MMP7: variants seen among roughly 807,000 people sequenced by gnomAD.
MMP7 encodes the protein matrix metallopeptidase 7.
In MMP7, 26 loss-of-function variants were observed where a neutral mutation model predicts 31.5. That is an observed-to-expected ratio of 0.83 (90% CI 0.61 to 1.15). The LOEUF (loss-of-function observed/expected upper bound fraction) is 1.15. Ranked by LOEUF, MMP7 falls within the 50% of genes most tolerant of loss-of-function variation. The pLI, the probability that MMP7 is intolerant of heterozygous loss-of-function variation, is 0.00. For missense variants in MMP7, 367 were observed against 326.5 expected (o/e 1.12, Z -0.96); for synonymous variants, 142 against 124.2 (o/e 1.14, Z -0.95).
At chr11:102,523,111 C>T (rs981334272) in intron 5 of MMP7, 129 bp downstream of exon 5, 1 of 625,494 alleles carries the variant, frequency 1.6e-6, no homozygotes, top group Non-Finnish European at 2.6e-6. Flanking sequence ...AATTCCTCCC[C>T]TCAATAGGCT....
In MMP7 at chr11:102,520,718, T is replaced by G. The variant is rs769385191; in HGVS notation, c.*58A>C. 8.0e-6 allele frequency: 11 copies of G among 1,376,538 alleles called. No individual in the cohort carries two copies. Among genetic ancestry groups the G allele is most frequent in the South Asian group, 1.2e-5 (1 of 80,708 alleles). 85.3% of individuals were successfully genotyped at this position (1,376,538 alleles called of 1,614,324 possible). A position where few individuals can be genotyped will look rare whatever the true frequency, so the allele number is the denominator to read the frequency against. On this transcript the variant is annotated 3_prime_UTR_variant, in exon 6 of 6. Transcript: ENST00000260227. ...AGGAACAGTGCTTATCAATTCTGAT[T>G]GTGCAACAATGATATACAATCCAAT...
chr11:102,520,553 A>G lies in MMP7; in HGVS notation c.*223T>C. On this transcript the variant is annotated 3_prime_UTR_variant, in exon 6 of 6. Transcript: ENST00000260227. ...CATTTTATTTATTTGTGTATGTAAC[A>G]TTTATTGACATCTACCCACTGCAAG... The G allele has an allele frequency of 2.3e-6, 1 of 436,194 alleles. No individual in the cohort carries two copies. The allele number at this position is 436,194 out of a possible 1,614,324, so 27.0% of individuals were successfully genotyped here. A position where few individuals can be genotyped will look rare whatever the true frequency, so the allele number is the denominator to read the frequency against.
rs745564498 is a variant in MMP7 at position 102,527,823 on chromosome 11, G to A, written c.269C>T (p.Pro90Leu). 8 of 1,614,108 alleles carry A rather than the reference G, an allele frequency of 5.0e-6. No individual in the cohort carries two copies. The South Asian group carries it at 8.8e-5, about 18-fold the overall frequency. ...EIMQKPRCGV[P>L]DVAEYSLFPN... ...AAATAGTGAGTATTCTGCAACATCT[G>A]GCACTCCACATCTGGGCTTCTGCAT... is the stretch of plus-strand genomic sequence containing the variant. Residue 90 changes from proline to leucine, a missense_variant, in exon 2 of 6, where the codon CCA (proline) becomes CTA (leucine). By Grantham distance (98) the Pro-to-Leu change is moderately conservative. Transcript: ENST00000260227.
intron 5 of MMP7, among the ~76,000 whole-genome samples, chr11:102,521,317 C>T (rs1022511684): frequency 9.9e-5 from 15 of 152,132 alleles, no homozygotes; most frequent in African/African-American, 3.4e-4. Context: ...CATGCTTCAG[C>T]CTCCTGAGTT....
At position 102,530,629 on chromosome 11, in the gene MMP7, C is replaced by T. The variant is rs767207306; in HGVS notation, c.72G>A (p.Ala24=). Residue 24 remains alanine, a synonymous_variant, in exon 1 of 6, where the codon GCG becomes GCA. Coordinates refer to ENST00000260227, the MANE Select transcript of MMP7 (RefSeq NM_002423.5). ...GSLALPLPQE[A]GGMSELQWEQ... is the part of the protein sequence containing the mutation. ...CCCACTGTAGCTCACTCATGCCTCC[C>T]GCCTCCTGAGGCAGCGGCAGGGCCA... The T allele has an allele frequency of 9.3e-6, 15 of 1,613,876 alleles. No individual in the cohort carries two copies. The highest frequency in any genetic ancestry group is 4.0e-5 in the African/African-American group (3 of 74,928).
rs7933135 is a variant in MMP7, at chr11:102,523,207, G to A, written c.775+33C>T. 1,193 of 1,531,746 alleles carry A rather than the reference G, an allele frequency of 7.8e-4. 12 individuals are homozygous for A. The African/African-American group carries it at 0.015, about 19-fold the overall frequency. 94.9% of individuals were successfully genotyped at this position (1,531,746 alleles called of 1,614,324 possible). ...CCTACCCCACTCTAAAAAGAAAATG[G>A]GAAATCCTCTTATTTGAAATAATAA... On this transcript the variant is annotated intron_variant, in intron 5 of 5. Transcript: ENST00000260227.
Position 102,525,047 on chromosome 11 carries a change from G to A in MMP7, c.502C>T (p.Pro168Ser). 2 of 1,608,864 alleles carry A rather than the reference G, an allele frequency of 1.2e-6. No individual in the cohort carries two copies. The highest frequency in any genetic ancestry group is 1.7e-6 in the Non-Finnish European group (2 of 1,178,398). ...FARGAHGDSY[P>S]FDGPGNTLAH... ...AGCGTGTTTCCTGGCCCATCAAATG[G>A]GTAGGAGTCCCCATGAGCTGAAAGA... Residue 168 changes from proline (P) to serine (S), a missense_variant, in exon 4 of 6, where the codon CCA (proline) becomes TCA (serine). Physicochemically the swap from Pro to Ser is moderately conservative, Grantham distance 74. Transcript: ENST00000260227.
intron 3 of MMP7, among the ~76,000 whole-genome samples, chr11:102,526,736 C>A (rs1858676884): frequency 6.6e-6 from 1 of 152,108 alleles, no homozygotes; most frequent in African/African-American, 2.4e-5. Flanking sequence ...ACATAATGAT[C>A]TTTCAGTAAA....
In MMP7 at chr11:102,527,934, T is replaced by C. The variant is rs1460832120; in HGVS notation, c.158A>G (p.Asn53Ser). Reference sequence around the variant, plus strand: ...CTCCTTGAGTTTGGCTTCTAAACTGTTGGCATTTTTTGTTTCTGAGTCATA... The same window carrying C: ...CTCCTTGAGTTTGGCTTCTAAACTGCTGGCATTTTTTGTTTCTGAGTCATA... Reference protein sequence around the residue: ...YLYDSETKNANSLEAKLKEMQ... With the variant: ...YLYDSETKNASSLEAKLKEMQ... The change falls in exon 2 of 6, where the codon AAC (asparagine) becomes AGC (serine). Residue 53 changes from asparagine to serine, a missense_variant. Physicochemically the swap from Asn to Ser is conservative, Grantham distance 46 (BLOSUM62 1). Transcript: ENST00000260227. 1.9e-6 allele frequency: 3 copies of C among 1,613,990 alleles called. No individual in the cohort carries two copies. The highest frequency in any genetic ancestry group is 1.6e-4 in the Middle Eastern group (1 of 6,082).
intron 4 of MMP7, 77 bp from the exon 5 acceptor site, chr11:102,523,478 T>C (rs1858636462): frequency 2.6e-6 from 3 of 1,176,304 alleles, no homozygotes; most frequent in Non-Finnish European, 2.2e-6. Flanking sequence ...TATGATATCA[T>C]AATTTAAAAA....
At chr11:102,526,487 T>C (rs1038123014) in intron 3 of MMP7, among the ~76,000 whole-genome samples, 2 of 152,144 alleles carry the variant, frequency 1.3e-5, no homozygotes, top group African/African-American at 2.4e-5. Flanking sequence ...TCCACCTGCC[T>C]TGGCCTCCCG....
intron 1 of MMP7, among the ~76,000 whole-genome samples, chr11:102,529,559 A>T (rs907125098): frequency 6.6e-6 from 1 of 152,224 alleles, no homozygotes; most frequent in Admixed American, 6.5e-5. Flanking sequence ...TAAAAGTTAA[A>T]TACTAGTAAC....
chr11:102,520,745 A>G lies in MMP7; in HGVS notation c.*31T>C. The G allele has an allele frequency of 6.5e-7, 1 of 1,528,924 alleles. No homozygotes were observed. Among genetic ancestry groups the G allele is most frequent in the East Asian group, 2.3e-5 (1 of 44,428 alleles). The allele number at this position is 1,528,924 out of a possible 1,614,324, so 94.7% of individuals were successfully genotyped here. ...TGCAACAATGATATACAATCCAATG[A>G]ATGAATGAATGGATGTTCTGCCTGA... On this transcript the variant is annotated 3_prime_UTR_variant, in exon 6 of 6. Transcript: ENST00000260227.
chr11:102,525,596 T>C (rs1163244763), intron 3 of MMP7, among the ~76,000 whole-genome samples: 1 of 152,068 alleles, frequency 6.6e-6, no homozygotes, highest in Non-Finnish European at 1.5e-5. Flanking sequence ...ATAATCACCA[T>C]ATATTGAAAG....
chr11:102,527,582 C>A lies in MMP7; in HGVS notation c.426G>T (p.Leu142=). ...TTCCCCATACAACTTTCCTGAAATG[C>A]AGGGGGATCTCTTTGCCCCACATGT... ...ALNMWGKEIP[L]HFRKVVWGTA... Residue 142 remains leucine, a synonymous_variant, in exon 3 of 6, where the codon CTG becomes CTT. Transcript: ENST00000260227. 1 of 1,614,136 alleles carries A rather than the reference C, an allele frequency of 6.2e-7. No individual in the cohort carries two copies. Among genetic ancestry groups the A allele is most frequent in the Non-Finnish European group, 8.5e-7 (1 of 1,179,994 alleles).
chr11:102,528,351 T>C (rs1410375695), intron 1 of MMP7, among the ~76,000 whole-genome samples: 1 of 152,206 alleles, frequency 6.6e-6, no homozygotes, highest in Non-Finnish European at 1.5e-5. Context: ...TGTGTTATCA[T>C]AGACCCTGTG....
intron 3 of MMP7, 130 bp from the exon 4 acceptor site, chr11:102,525,194 T>G (rs2135904170): frequency 8.7e-7 from 1 of 1,144,656 alleles, no homozygotes; most frequent in South Asian, 1.7e-5. Flanking sequence ...GTGGCTCACT[T>G]TGCGAGGCCG....
chr11:102,528,816 C>T (rs546086518), intron 1 of MMP7, among the ~76,000 whole-genome samples: 1 of 152,146 alleles, frequency 6.6e-6, no homozygotes, highest in Non-Finnish European at 1.5e-5. Flanking sequence ...AGTGAATGAA[C>T]TAACAACAAT....
chr11:102,521,969 C>T (rs957718502), intron 5 of MMP7, among the ~76,000 whole-genome samples: 2 of 152,180 alleles, frequency 1.3e-5, no homozygotes, highest in African/African-American at 4.8e-5. Flanking sequence ...CAGCATTTTC[C>T]AAAGTGTGTT....
Sources: allele counts gnomAD v4.1 joint callset (sites outside exome capture counted in the v4.1 genomes callset), GRCh38; gene constraint gnomAD v4.1.1; transcripts MANE v1.5; gene names NCBI Gene and HGNC (gene_info 2026-07-23, HGNC 2026-07-21).